PRDM16: variants seen among roughly 807,000 people sequenced by gnomAD.
PRDM16 encodes histone-lysine N-methyltransferase PRDM16.
PRDM16 carries 23 observed loss-of-function variants against 110.6 expected under a neutral mutation model. The observed-to-expected ratio is 0.21, with a 90% CI of 0.15 to 0.29. The LOEUF is 0.29. Ranked by LOEUF, PRDM16 falls within the 10% of genes least tolerant of loss-of-function variation. PRDM16 has a pLI of 1.00. For synonymous variants in PRDM16, 799 were observed against 781.8 expected (o/e 1.02, Z -0.37); for missense variants, 1,615 against 1,794.3 (o/e 0.90, Z 1.81).
At chr1:3,078,283 G>T (rs776412480) in intron 1 of PRDM16, among the ~76,000 whole-genome samples, 125 of 152,300 alleles carry the variant, frequency 8.2e-4, no homozygotes, top group Non-Finnish European at 1.5e-3. Context: ...CACCTGGAGG[G>T]AGACAGGGTC....
At chr1:3,091,294 G>T (rs1642270785) in intron 1 of PRDM16, among the ~76,000 whole-genome samples, 1 of 152,206 alleles carries the variant, frequency 6.6e-6, no homozygotes, top group African/African-American at 2.4e-5. Context: ...GGGAGAGGCT[G>T]GTTTGGAGTG....
chr1:3,341,558 C>A (rs182756595), intron 3 of PRDM16, among the ~76,000 whole-genome samples: 13 of 152,362 alleles, frequency 8.5e-5, no homozygotes, highest in African/African-American at 3.1e-4. Flanking sequence ...TCAGAACACA[C>A]ACACACACGC....
At chr1:3,109,083 AAATAAT>A (rs61356047) in intron 1 of PRDM16, among the ~76,000 whole-genome samples, 52,074 of 145,208 alleles carry the variant, frequency 0.36, 9,459 homozygotes, top group South Asian at 0.55. Flanking sequence ...CTCCATCTCA[AAATAAT>A]AATAATAATA....
chr1:3,186,090 T>G (rs1223604059), intron 1 of PRDM16, 35 bp from the exon 2 acceptor site: 2 of 1,548,366 alleles, frequency 1.3e-6, no homozygotes, highest in Non-Finnish European at 1.8e-6. Context: ...GTGGGGCACG[T>G]GCTGCAGAGG....
rs2100533352 is a variant in PRDM16 at position 3,350,143 on chromosome 1, T to C, written c.439-35009T>C. 6.6e-6 allele frequency among the ~76,000 whole-genome samples: 1 copy of C among 152,214 alleles called. No individual in the cohort carries two copies. Among genetic ancestry groups the C allele is most frequent in the South Asian group, 2.1e-4 (1 of 4,824 alleles). ...AAGTTTGAGGCCAGCCTGGACAACA[T>C]AGCAAGACCCTATCTCTACAAAAAA... On this transcript the variant is annotated intron_variant, in intron 3 of 16. Coordinates refer to ENST00000270722, the MANE Select transcript of PRDM16 (RefSeq NM_022114.4). The surrounding 1 kb of genome is among the most constrained non-coding windows in gnomAD (Gnocchi z 7.1).
rs375991229 is a variant in PRDM16 at position 3,349,483 on chromosome 1, C to T, written c.439-35669C>T. Among the ~76,000 whole-genome samples the T allele has an allele frequency of 2.1e-4, 32 of 152,258 alleles. No individual in the cohort carries two copies. The South Asian group carries it at 3.5e-3, about 17-fold the overall frequency. On this transcript the variant is annotated intron_variant, in intron 3 of 16. Transcript: ENST00000270722. ...CCGTCTCCACCCAGCACCCAGTCGG[C>T]GCAGCCACTGGGTGCCCATGGGGCT...
At chr1:3,415,462 T>C (rs1643763314) in intron 10 of PRDM16, among the ~76,000 whole-genome samples, 1 of 152,242 alleles carries the variant, frequency 6.6e-6, no homozygotes, top group East Asian at 1.9e-4. Context: ...ACCTGGTTTG[T>C]GAAACCTGCG....
intron 3 of PRDM16, among the ~76,000 whole-genome samples, chr1:3,272,274 G>A (rs1248001125): frequency 2.6e-5 from 4 of 152,184 alleles, no homozygotes; most frequent in African/African-American, 7.2e-5. Flanking sequence ...GGCTGTAGTC[G>A]GGCGCTTTAA....
chr1:3,188,408 G>A (rs116525159), intron 2 of PRDM16, among the ~76,000 whole-genome samples: 4,825 of 152,196 alleles, frequency 0.032, 121 homozygotes, highest in Non-Finnish European at 0.05. Flanking sequence ...CACCATGTCC[G>A]CGTGGTGCCA....
rs951464451 is a variant in PRDM16 at position 3,206,492 on chromosome 1, C to T, written c.387+20018C>T. 3 of 152,216 alleles carry T rather than the reference C, an allele frequency of 2.0e-5. No homozygotes were observed. The highest frequency in any genetic ancestry group is 3.9e-4 in the East Asian group (2 of 5,186). The allele number at this position is 152,216 out of a possible 1,614,324, so 9.4% of individuals were successfully genotyped here. A position where few individuals can be genotyped will look rare whatever the true frequency, so the allele number is the denominator to read the frequency against. Reference sequence around the variant, plus strand: ...CTGGATAGACGCACACGCCTTCACGCATCCTCAGAAAGTGATGTTGCTGAG... The same window carrying T: ...CTGGATAGACGCACACGCCTTCACGTATCCTCAGAAAGTGATGTTGCTGAG... On this transcript the variant is annotated intron_variant, in intron 2 of 16. Coordinates refer to ENST00000270722, the MANE Select transcript of PRDM16 (RefSeq NM_022114.4). This position sits in a 1 kb window ranked among gnomAD's most constrained non-coding sequence, Gnocchi z 4.9.
At chr1:3,226,038 G>A (rs757195478) in intron 2 of PRDM16, among the ~76,000 whole-genome samples, 9 of 152,184 alleles carry the variant, frequency 5.9e-5, no homozygotes, top group African/African-American at 1.2e-4. Flanking sequence ...CCTTGGCCTC[G>A]ACCTCGCCCA....
intron 1 of PRDM16, among the ~76,000 whole-genome samples, chr1:3,173,032 C>G (rs1273884848): frequency 1.3e-5 from 2 of 152,210 alleles, no homozygotes; most frequent in Non-Finnish European, 2.9e-5. Context: ...GGAGCCAACA[C>G]CGCCTGGTAT....
At chr1:3,115,072 G>GTT (rs1642924559) in intron 1 of PRDM16, among the ~76,000 whole-genome samples, 1 of 152,256 alleles carries the variant, frequency 6.6e-6, no homozygotes, top group Admixed American at 6.5e-5. Context: ...TGTGGGCCTG[G>GTT]CCAGCCTCTG....
At chr1:3,316,499 C>G (rs1379551036) in intron 3 of PRDM16, among the ~76,000 whole-genome samples, 3 of 152,202 alleles carry the variant, frequency 2.0e-5, no homozygotes, top group African/African-American at 4.8e-5. Flanking sequence ...GGAAGAGAAC[C>G]TGAGTGGAAA....
At chr1:3,152,227 G>A (rs973850796) in intron 1 of PRDM16, among the ~76,000 whole-genome samples, 3 of 152,156 alleles carry the variant, frequency 2.0e-5, no homozygotes, top group African/African-American at 7.2e-5. Flanking sequence ...TCAGAATCTG[G>A]GGCAATGCCA....
At chr1:3,130,347 T>C (rs1643307294) in intron 1 of PRDM16, among the ~76,000 whole-genome samples, 1 of 152,164 alleles carries the variant, frequency 6.6e-6, no homozygotes, top group Admixed American at 6.5e-5. Flanking sequence ...TATCCCAGTG[T>C]GTCCTTTGCA....
rs115323533 is a variant in PRDM16, at chr1:3,114,925, G to A, written c.37+45629G>A. 7.0e-3 allele frequency among the ~76,000 whole-genome samples: 1,063 copies of A among 152,380 alleles called. 11 individuals carry two copies. Among genetic ancestry groups the A allele is most frequent in the African/African-American group, 0.024 (978 of 41,590 alleles). On this transcript the variant is annotated intron_variant, in intron 1 of 16. Transcript: ENST00000270722. ...CTCAGCCCTCAGGGTGAGGAGAGGC[G>A]CCTCCCTGCACACTTGGCCAAGGCC...
At chr1:3,204,104 C>CA (rs1638694768) in intron 2 of PRDM16, among the ~76,000 whole-genome samples, 1 of 152,178 alleles carries the variant, frequency 6.6e-6, no homozygotes, top group African/African-American at 2.4e-5. Context: ...GGTGCCAACC[C>CA]ACGTCTTAAC....
Position 3,208,860 on chromosome 1 carries a change from C to T in PRDM16, c.387+22386C>T, listed in dbSNP as rs1638814928. Among the ~76,000 whole-genome samples, 1 of 152,122 alleles carries T rather than the reference C, an allele frequency of 6.6e-6. No homozygotes were observed. The highest frequency in any genetic ancestry group is 6.5e-5 in the Admixed American group (1 of 15,276). ...GCCATCTCCTCTTGCTCCCTGAGTG[C>T]CTGTCCAGAGGCCCCCCCAGGTCCC... On this transcript the variant is annotated intron_variant, in intron 2 of 16. Coordinates refer to ENST00000270722, the MANE Select transcript of PRDM16 (RefSeq NM_022114.4). This position sits in a 1 kb window ranked among gnomAD's most constrained non-coding sequence, Gnocchi z 6.1.
Sources: allele counts gnomAD v4.1 joint callset (sites outside exome capture counted in the v4.1 genomes callset), GRCh38; gene constraint gnomAD v4.1.1; non-coding constraint Gnocchi (gnomAD v3.1); transcripts MANE v1.5; gene names NCBI Gene and HGNC (gene_info 2026-07-23, HGNC 2026-07-21).